KLF8: variants seen among roughly 807,000 people sequenced by gnomAD.
The protein encoded by KLF8 is KLF transcription factor 8.
In KLF8, 10 loss-of-function variants were observed where a neutral mutation model predicts 18.2. The observed-to-expected ratio is 0.55, with a 90% CI of 0.34 to 0.93. The LOEUF (loss-of-function observed/expected upper bound fraction) is 0.93. KLF8 is among the 40% of genes least tolerant of loss of function. The pLI is 0.02. For missense variants in KLF8, 264 were observed against 277.9 expected (o/e 0.95, Z 0.36); for synonymous variants, 109 against 97.3 (o/e 1.12, Z -0.71).
chrX:56,270,347 A>AAC (rs370151924), intron 5 of KLF8, 26 bp downstream of exon 5: 8,553 of 636,301 alleles, frequency 0.013, 42 homozygotes, highest in East Asian at 0.026. Context: ...TCTCACCCCC[A>AAC]ACACACACAC....
At chrX:55,981,899 G>A in the KLF8 span, among the ~76,000 whole-genome samples, 1 of 111,999 alleles carries the variant, frequency 8.9e-6, no homozygotes, top group Non-Finnish European at 1.9e-5. Flanking sequence ...TCAGGTGAAA[G>A]CAGCTAAGCT....
chrX:56,157,630 C>A, the KLF8 span, among the ~76,000 whole-genome samples: 1 of 111,842 alleles, frequency 8.9e-6, no homozygotes, highest in African/African-American at 3.2e-5. Context: ...TTGCAATTCT[C>A]TGATGGCCAG....
chrX:56,236,171 C>T (rs2066471891), intron 1 of KLF8, among the ~76,000 whole-genome samples: 1 of 111,931 alleles, frequency 8.9e-6, no homozygotes, highest in Non-Finnish European at 1.9e-5. Context: ...CTCACCATTT[C>T]TAATATACAG....
the KLF8 span, among the ~76,000 whole-genome samples, chrX:55,940,704 A>G: frequency 8.9e-6 from 1 of 111,897 alleles, no homozygotes; most frequent in Non-Finnish European, 1.9e-5. Context: ...ATCAATGTGC[A>G]AAAATCACAA....
chrX:56,052,021 A>G, the KLF8 span, among the ~76,000 whole-genome samples: 8 of 110,441 alleles, frequency 7.2e-5, no homozygotes, highest in Admixed American at 2.9e-4. Context: ...CATTCATTTC[A>G]TCTTCCATTG....
the KLF8 span, among the ~76,000 whole-genome samples, chrX:56,213,484 A>T: frequency 2.8e-5 from 3 of 106,375 alleles, no homozygotes; most frequent in African/African-American, 1.0e-4. Flanking sequence ...ACCACGTCTG[A>T]CTAATTTTTT....
At chrX:56,049,989 G>C in the KLF8 span, among the ~76,000 whole-genome samples, 2 of 111,344 alleles carry the variant, frequency 1.8e-5, no homozygotes, top group African/African-American at 3.3e-5. Context: ...TCCTGGTTTA[G>C]TCTTGGCAGG....
At chrX:55,967,780 A>G in the KLF8 span, among the ~76,000 whole-genome samples, 5 of 111,980 alleles carry the variant, frequency 4.5e-5, no homozygotes, top group African/African-American at 1.6e-4. Flanking sequence ...CAAACAGATG[A>G]ACCAATAAAA....
rs2067279852 is a variant in KLF8 at position 56,287,409 on chromosome X, CAGTG to C, written c.*2918_*2921del. 1 of 111,988 alleles carries C rather than the reference CAGTG, an allele frequency of 8.9e-6. No homozygotes were observed. Among genetic ancestry groups the C allele is most frequent in the African/African-American group, 3.2e-5 (1 of 30,813 alleles). The allele number at this position is 111,988 out of a possible 1,213,427, so 9.2% of individuals were successfully genotyped here. On this transcript the variant is annotated 3_prime_UTR_variant, in exon 6 of 6. Transcript: ENST00000468660. ...AACACATAAAACTTTGCTAGATAGACAGTGAGGTGGAAAGGAACTAAAATGTATC... is the reference window on the plus strand; with the variant it reads ...AACACATAAAACTTTGCTAGATAGACAGGTGGAAAGGAACTAAAATGTATC...
chrX:55,935,834 C>G, the KLF8 span, among the ~76,000 whole-genome samples: 1 of 111,848 alleles, frequency 8.9e-6, no homozygotes, highest in African/African-American at 3.2e-5. Flanking sequence ...ACTATTTATA[C>G]ATATATACTA....
At chrX:56,059,410 G>A in the KLF8 span, among the ~76,000 whole-genome samples, 1 of 112,057 alleles carries the variant, frequency 8.9e-6, no homozygotes, top group African/African-American at 3.2e-5. Context: ...TGGTGTTTTA[G>A]TCATGAAGCC....
the KLF8 span, among the ~76,000 whole-genome samples, chrX:56,079,474 A>T: frequency 3.6e-4 from 40 of 110,576 alleles, no homozygotes; most frequent in Admixed American, 3.3e-3. Context: ...CTTAATCCTG[A>T]GTTCTAGTTT....
At chrX:55,985,212 T>C in the KLF8 span, among the ~76,000 whole-genome samples, 1 of 112,112 alleles carries the variant, frequency 8.9e-6, no homozygotes, top group South Asian at 3.7e-4. Context: ...GCCTATGTCC[T>C]GAATGGTATT....
the KLF8 span, among the ~76,000 whole-genome samples, chrX:56,046,519 G>A: frequency 2.5e-4 from 28 of 110,237 alleles, no homozygotes; most frequent in Admixed American, 1.7e-3. Context: ...AGATTTATGC[G>A]TTAAGGAGGT....
At chrX:56,033,943 T>G in the KLF8 span, among the ~76,000 whole-genome samples, 1 of 112,607 alleles carries the variant, frequency 8.9e-6, no homozygotes, top group Non-Finnish European at 1.9e-5. Context: ...ACATATTTTG[T>G]ATAGCAAATC....
intron 5 of KLF8, among the ~76,000 whole-genome samples, chrX:56,277,014 C>A (rs1371165046): frequency 9.0e-6 from 1 of 111,618 alleles, no homozygotes; most frequent in Non-Finnish European, 1.9e-5. Flanking sequence ...CTGCTTTATT[C>A]TATTTAATTG....
the KLF8 span, among the ~76,000 whole-genome samples, chrX:56,086,379 A>T: frequency 9.0e-6 from 1 of 111,105 alleles, no homozygotes; most frequent in African/African-American, 3.3e-5. Context: ...TTTGAGTTCC[A>T]TCCAATCGGA....
chrX:55,940,178 C>T, the KLF8 span, among the ~76,000 whole-genome samples: 3 of 111,956 alleles, frequency 2.7e-5, no homozygotes, highest in Non-Finnish European at 5.6e-5. Context: ...GCTAATCCAC[C>T]ATGATCACGT....
chrX:55,949,333 C>CTGTGTG, the KLF8 span, among the ~76,000 whole-genome samples: 314 of 88,194 alleles, frequency 3.6e-3, 3 homozygotes, highest in Middle Eastern at 0.028. Flanking sequence ...TTTTCATATG[C>CTGTGTG]TGTGTGTGTG....
Sources: allele counts gnomAD v4.1 joint callset (sites outside exome capture counted in the v4.1 genomes callset), GRCh38; gene constraint gnomAD v4.1.1; transcripts MANE v1.5; gene names NCBI Gene and HGNC (gene_info 2026-07-23, HGNC 2026-07-21).